The following PDGFC variants were observed in gnomAD, a reference collection of about 807,000 sequenced individuals.
PDGFC encodes platelet-derived growth factor C.
Under a neutral mutation model 35.5 loss-of-function variants are expected in PDGFC, and 12 were observed. The ratio of observed to expected loss-of-function variants is 0.34; its 90% CI spans 0.22 to 0.55. The LOEUF (loss-of-function observed/expected upper bound fraction) is 0.55, where lower values mean the gene tolerates loss of function less well. PDGFC is among the 20% of genes least tolerant of loss of function. The pLI is 0.91. For synonymous variants in PDGFC, 159 were observed against 148.8 expected (o/e 1.07, Z -0.50); for missense variants, 322 against 412.4 (o/e 0.78, Z 1.90).
At chr4:156,888,965 G>A (rs1423365758) in intron 1 of PDGFC, among the ~76,000 whole-genome samples, 1 of 152,108 alleles carries the variant, frequency 6.6e-6, no homozygotes, top group Non-Finnish European at 1.5e-5. Context: ...TTCTAATGTT[G>A]TGTAATGATT....
chr4:156,945,365 A>G (rs1324619531), intron 1 of PDGFC, among the ~76,000 whole-genome samples: 4 of 115,568 alleles, frequency 3.5e-5, no homozygotes, highest in African/African-American at 1.1e-4. Context: ...ATATATATAT[A>G]TATATATATA....
chr4:156,796,519 A>T (rs1731446820), intron 3 of PDGFC, among the ~76,000 whole-genome samples: 3 of 136,190 alleles, frequency 2.2e-5, no homozygotes, highest in South Asian at 4.6e-4. Flanking sequence ...TTTTTTTTAC[A>T]AAAGGTGTCA....
intron 1 of PDGFC, among the ~76,000 whole-genome samples, chr4:156,863,589 GTTAT>G (rs1328733330): frequency 6.6e-6 from 1 of 152,060 alleles, no homozygotes; most frequent in Non-Finnish European, 1.5e-5. Flanking sequence ...TTTTCAGTGG[GTTAT>G]TTGTGGGGTG....
At chr4:156,941,375 G>A (rs775527795) in intron 1 of PDGFC, among the ~76,000 whole-genome samples, 15 of 151,912 alleles carry the variant, frequency 9.9e-5, no homozygotes, top group Non-Finnish European at 1.5e-4. Flanking sequence ...ACGGGATGAC[G>A]GTCAACAACC....
At chr4:156,904,509 A>G (rs1730868020) in intron 1 of PDGFC, among the ~76,000 whole-genome samples, 1 of 152,052 alleles carries the variant, frequency 6.6e-6, no homozygotes, top group Admixed American at 6.6e-5. Context: ...TCATTTCTCT[A>G]TTGCTCGAAA....
At chr4:156,907,813 C>T (rs1052769935) in intron 1 of PDGFC, among the ~76,000 whole-genome samples, 1 of 152,128 alleles carries the variant, frequency 6.6e-6, no homozygotes, top group African/African-American at 2.4e-5. Context: ...AGCAGATGCC[C>T]CCACACTCCA....
intron 1 of PDGFC, among the ~76,000 whole-genome samples, chr4:156,936,389 C>T (rs1387742150): frequency 1.3e-5 from 2 of 152,196 alleles, no homozygotes; most frequent in African/African-American, 4.8e-5. Flanking sequence ...CACCTCTCAA[C>T]TCATTCCTAA....
At chr4:156,804,745 A>G (rs897030944) in intron 3 of PDGFC, among the ~76,000 whole-genome samples, 1 of 152,012 alleles carries the variant, frequency 6.6e-6, no homozygotes, top group African/African-American at 2.4e-5. Flanking sequence ...TTTAATTTAT[A>G]ATTTTAACTT....
At chr4:156,791,027 T>C (rs1055645244) in intron 3 of PDGFC, among the ~76,000 whole-genome samples, 4 of 152,134 alleles carry the variant, frequency 2.6e-5, no homozygotes, top group African/African-American at 7.2e-5. Flanking sequence ...TCAACATTCA[T>C]ATGGAGCTTA....
At chr4:156,953,462 T>C (rs1369092228) in intron 1 of PDGFC, among the ~76,000 whole-genome samples, 1 of 151,980 alleles carries the variant, frequency 6.6e-6, no homozygotes, top group Non-Finnish European at 1.5e-5. Context: ...CTATTTGGTT[T>C]TTCTATTATC....
At chr4:156,833,491 C>CT (rs1484282813) in intron 2 of PDGFC, among the ~76,000 whole-genome samples, 1 of 152,142 alleles carries the variant, frequency 6.6e-6, no homozygotes, top group Non-Finnish European at 1.5e-5. Flanking sequence ...GAGTTATGTG[C>CT]TGTAAACCAC....
chr4:156,803,546 T>C (rs1416636658), intron 3 of PDGFC, among the ~76,000 whole-genome samples: 1 of 152,158 alleles, frequency 6.6e-6, no homozygotes, highest in South Asian at 2.1e-4. Flanking sequence ...AAGAAGTAGA[T>C]ATAAAAGCAT....
chr4:156,811,587 T>G (rs2110946530), intron 2 of PDGFC, among the ~76,000 whole-genome samples: 1 of 152,236 alleles, frequency 6.6e-6, no homozygotes, highest in East Asian at 1.9e-4. Flanking sequence ...AAACACATAT[T>G]TCTAACTAAC....
In PDGFC at chr4:156,964,405, G is replaced by GAT. The variant is rs1327809702; in HGVS notation, c.118+6379_118+6380dup. On this transcript the variant is annotated intron_variant, in intron 1 of 5. Transcript: ENST00000502773. ...AGTTATCACTATATATATATATAGTGATATATATATAACAGTATATATATA... is the reference window on the plus strand; with the variant it reads ...AGTTATCACTATATATATATATAGTGATATATATATATAACAGTATATATATA... 1.6e-3 allele frequency among the ~76,000 whole-genome samples: 238 copies of GAT among 147,470 alleles called. 1 individual carries two copies. The highest frequency in any genetic ancestry group is 0.011 in the Middle Eastern group (3 of 278).
chr4:156,923,496 A>G (rs1021888523), intron 1 of PDGFC, among the ~76,000 whole-genome samples: 1 of 152,128 alleles, frequency 6.6e-6, no homozygotes, highest in Non-Finnish European at 1.5e-5. Flanking sequence ...TCTAATTACT[A>G]AAACTAAAGG....
intron 1 of PDGFC, among the ~76,000 whole-genome samples, chr4:156,939,478 G>T (rs946772518): frequency 4.6e-5 from 7 of 151,930 alleles, no homozygotes; most frequent in African/African-American, 1.7e-4. Flanking sequence ...ACAAAATTAG[G>T]CTCATAAAAG....
intron 1 of PDGFC, among the ~76,000 whole-genome samples, chr4:156,913,877 G>A (rs918033827): frequency 4.6e-5 from 7 of 152,074 alleles, no homozygotes; most frequent in African/African-American, 1.7e-4. Context: ...TTTATCAGGT[G>A]CCCTTTGCTG....
chr4:156,861,403 T>C (rs1328848204), intron 1 of PDGFC: 21 of 943,702 alleles, frequency 2.2e-5, no homozygotes, highest in Non-Finnish European at 2.9e-5. Flanking sequence ...AAACTCAGAG[T>C]AAATAAAAAT....
rs572943372 is a variant in PDGFC at position 156,761,459 on chromosome 4, T to C, written c.*1631A>G. 5.9e-5 allele frequency: 9 copies of C among 152,322 alleles called. No individual in the cohort carries two copies. The South Asian group carries it at 1.4e-3, about 25-fold the overall frequency. The allele number at this position is 152,322 out of a possible 1,614,324, so 9.4% of individuals were successfully genotyped here. On this transcript the variant is annotated 3_prime_UTR_variant, in exon 6 of 6. Transcript: ENST00000502773. ...AAAATAAAACCATTGCTCAAAGGCA[T>C]TGGAAACAAGAGGCAGAGAAGGCTC... is the stretch of plus-strand genomic sequence containing the variant.
Sources: allele counts gnomAD v4.1 joint callset (sites outside exome capture counted in the v4.1 genomes callset), GRCh38; gene constraint gnomAD v4.1.1; transcripts MANE v1.5; gene names NCBI Gene and HGNC (gene_info 2026-07-23, HGNC 2026-07-21).